Variants in SRRM4 observed in about 807,000 individuals in gnomAD.
SRRM4 encodes the protein serine/arginine repetitive matrix protein 4.
Under a neutral mutation model 68.9 loss-of-function variants are expected in SRRM4, and 33 were observed. That is an observed-to-expected ratio of 0.48 (90% CI 0.36 to 0.64). The LOEUF (loss-of-function observed/expected upper bound fraction) is 0.64. Among genes scored for constraint, SRRM4 ranks in the 30% least tolerant of loss-of-function variants. The probability of loss-of-function intolerance (pLI) is 0.00; values close to 1 mark genes in which losing one functional copy is unlikely to be tolerated. For missense variants in SRRM4, 817 were observed against 827.1 expected, an observed-to-expected ratio of 0.99 and a Z score of 0.15; for synonymous variants, 318 against 318.8, an observed-to-expected ratio of 1.00 and a Z score of 0.03.
chr12:119,019,065 C>A (rs1450465930), intron 1 of SRRM4, among the ~76,000 whole-genome samples: 1 of 152,186 alleles, frequency 6.6e-6, no homozygotes, highest in Admixed American at 6.5e-5. Context: ...TGGTCCCCAA[C>A]CCTTCATAAC....
intron 8 of SRRM4, among the ~76,000 whole-genome samples, chr12:119,138,300 A>G (rs894712780): frequency 1.3e-5 from 2 of 152,202 alleles, no homozygotes; most frequent in South Asian, 2.1e-4. Context: ...CATGTCTGAA[A>G]CAAAGCATAA....
intron 1 of SRRM4, among the ~76,000 whole-genome samples, chr12:119,039,290 G>T (rs1565895099): frequency 1.3e-5 from 2 of 152,184 alleles, no homozygotes; most frequent in African/African-American, 4.8e-5. Flanking sequence ...GTATGTGACA[G>T]CCTATGTAAA....
intron 1 of SRRM4, among the ~76,000 whole-genome samples, chr12:119,026,938 A>C (rs1953552552): frequency 6.6e-6 from 1 of 152,218 alleles, no homozygotes; most frequent in South Asian, 2.1e-4. Context: ...TGGTAATCCC[A>C]TTCTCACACC....
chr12:119,070,885 G>A (rs1036915627), intron 1 of SRRM4, among the ~76,000 whole-genome samples: 9 of 152,170 alleles, frequency 5.9e-5, no homozygotes, highest in African/African-American at 1.9e-4. Flanking sequence ...TCACTGGCCT[G>A]ATTTCAGAAA....
At chr12:119,075,437 ATGGTGATGATGATGG>A (rs1294825159) in intron 1 of SRRM4, among the ~76,000 whole-genome samples, 4 of 63,918 alleles carry the variant, frequency 6.3e-5, no homozygotes, top group Non-Finnish European at 1.2e-4. Context: ...AATGATGATG[ATGGTGATGATGATGG>A]TGATGATGGT....
At chr12:119,014,923 G>A (rs2135998981) in intron 1 of SRRM4, among the ~76,000 whole-genome samples, 1 of 152,322 alleles carries the variant, frequency 6.6e-6, no homozygotes, top group Non-Finnish European at 1.5e-5. Flanking sequence ...CAAGAAATTT[G>A]TGGAAGAATT....
intron 9 of SRRM4, among the ~76,000 whole-genome samples, chr12:119,147,040 C>G (rs749082313): frequency 1.3e-5 from 2 of 152,064 alleles, no homozygotes; most frequent in Admixed American, 6.5e-5. Flanking sequence ...TTTGTAATTG[C>G]TAAAACTTGG....
intron 7 of SRRM4, among the ~76,000 whole-genome samples, chr12:119,126,769 T>C (rs1220035134): frequency 6.6e-6 from 1 of 151,784 alleles, no homozygotes; most frequent in Non-Finnish European, 1.5e-5. Flanking sequence ...CGTATGTTTA[T>C]TGCGGCATTA....
In SRRM4 at chr12:119,122,055, C is replaced by G. The variant is rs538159633; in HGVS notation, c.465-15C>G. ...AATTTTGCATCTTTCAATTAATTGA[C>G]CATTTCTTGTTTAGCTCCTCTAGCC... On this transcript the variant is annotated splice_polypyrimidine_tract_variant and intron_variant, in intron 5 of 12. Transcript: ENST00000267260. 4.0e-5 allele frequency: 64 copies of G among 1,582,380 alleles called. No homozygotes were observed. The highest frequency in any genetic ancestry group is 2.5e-5 in the Non-Finnish European group (29 of 1,151,442).
At chr12:119,085,597 A>G (rs1207234758) in intron 1 of SRRM4, among the ~76,000 whole-genome samples, 3 of 152,210 alleles carry the variant, frequency 2.0e-5, no homozygotes, top group Non-Finnish European at 4.4e-5. Context: ...TTGAAGACGC[A>G]TGAGAGCCAT....
At chr12:119,031,924 T>C (rs954346478) in intron 1 of SRRM4, among the ~76,000 whole-genome samples, 2 of 152,200 alleles carry the variant, frequency 1.3e-5, no homozygotes, top group African/African-American at 4.8e-5. Flanking sequence ...TACAAAAATA[T>C]TTAATTTTTA....
intron 1 of SRRM4, among the ~76,000 whole-genome samples, chr12:119,045,399 A>G (rs1953699286): frequency 1.3e-5 from 2 of 151,826 alleles, no homozygotes; most frequent in African/African-American, 2.4e-5. Context: ...GAGAAAGGGC[A>G]GAGTGTGTTA....
intron 12 of SRRM4, 66 bp from the exon 13 acceptor site, chr12:119,156,429 C>A: frequency 6.7e-7 from 1 of 1,503,188 alleles, no homozygotes; most frequent in Non-Finnish European, 8.9e-7. Flanking sequence ...TGGGACAAGA[C>A]TGGGGCTCGC....
At position 119,145,571 on chromosome 12, in the gene SRRM4, A is replaced by C; in HGVS notation, c.962A>C (p.Glu321Ala). 2 of 1,603,114 alleles carry C rather than the reference A, an allele frequency of 1.2e-6. No individual in the cohort carries two copies. The highest frequency in any genetic ancestry group is 1.7e-6 in the Non-Finnish European group (2 of 1,174,390). ...SPSGGLSKSR[E>A]LNSGNTSDSG... is the part of the protein sequence containing the mutation. ...AGTGGGGGCTTGAGCAAGAGCCGGGAGCTCAACAGTGGCAACACCTCTGAT... is the reference window on the plus strand; with the variant it reads ...AGTGGGGGCTTGAGCAAGAGCCGGGCGCTCAACAGTGGCAACACCTCTGAT... The change falls in exon 9 of 13, where the codon GAG becomes GCG. Residue 321 changes from glutamate (E) to alanine (A), a missense_variant. Transcript: ENST00000267260.
chr12:119,114,964 G>A (rs1262868971), intron 3 of SRRM4, among the ~76,000 whole-genome samples: 4 of 151,728 alleles, frequency 2.6e-5, no homozygotes, highest in African/African-American at 7.3e-5. Context: ...GCGCCTGGCC[G>A]GAAGCATAGT....
intron 1 of SRRM4, among the ~76,000 whole-genome samples, chr12:119,098,187 A>C (rs1173026144): frequency 6.6e-6 from 1 of 152,200 alleles, no homozygotes; most frequent in Non-Finnish European, 1.5e-5. Flanking sequence ...AACAGCCAGC[A>C]CCAGCTTGCC....
chr12:119,068,511 G>C (rs1248047352), intron 1 of SRRM4, among the ~76,000 whole-genome samples: 1 of 152,172 alleles, frequency 6.6e-6, no homozygotes, highest in African/African-American at 2.4e-5. Flanking sequence ...CTGCAGTGAG[G>C]GTGGGGGCGC....
chr12:118,985,233 G>A (rs1232003069), intron 1 of SRRM4, among the ~76,000 whole-genome samples: 8 of 152,112 alleles, frequency 5.3e-5, no homozygotes, highest in African/African-American at 7.2e-5. Context: ...CATAATCCTC[G>A]TCTCTGAGAA....
intron 1 of SRRM4, among the ~76,000 whole-genome samples, chr12:119,014,868 C>T (rs2177838): frequency 0.28 from 42,282 of 152,032 alleles, 6,127 homozygotes; most frequent in Non-Finnish European, 0.31. Flanking sequence ...CCCAACTACA[C>T]CCCTTCTAGC....
Sources: allele counts gnomAD v4.1 joint callset (sites outside exome capture counted in the v4.1 genomes callset), GRCh38; gene constraint gnomAD v4.1.1; transcripts MANE v1.5; gene names NCBI Gene and HGNC (gene_info 2026-07-23, HGNC 2026-07-21).